Variants in IL20RB observed in about 807,000 individuals in gnomAD.
The protein encoded by IL20RB is interleukin-20 receptor subunit beta.
A neutral mutation model predicts 33.3 loss-of-function variants in IL20RB; 21 were observed. The ratio of observed to expected loss-of-function variants is 0.63; its 90% confidence interval spans 0.45 to 0.91. The LOEUF (loss-of-function observed/expected upper bound fraction) is 0.91, where lower values mean the gene tolerates loss of function less well. IL20RB is among the 40% of genes least tolerant of loss of function. The probability of loss-of-function intolerance (pLI) is 0.00; values close to 1 mark genes in which losing one functional copy is unlikely to be tolerated. For synonymous variants in IL20RB, 147 were observed against 146.8 expected (o/e 1.00, Z -0.01); for missense variants, 345 against 384.8 (o/e 0.90, Z 0.86).
intron 3 of IL20RB, among the ~76,000 whole-genome samples, chr3:136,983,096 T>C (rs1228224779): frequency 6.7e-6 from 1 of 149,368 alleles, no homozygotes; most frequent in Middle Eastern, 3.2e-3. Context: ...GTCTATCTCT[T>C]TTTTTTTTTG....
rs1941091775 is a variant in IL20RB at position 136,958,133 on chromosome 3, T to G, written c.20T>G (p.Val7Gly). The G allele has an allele frequency of 6.2e-7, 1 of 1,609,086 alleles. No individual in the cohort carries two copies. The highest frequency in any genetic ancestry group is 1.3e-5 in the African/African-American group (1 of 74,830). Reference sequence around the variant, plus strand: ...TACCAAATGCAGACTTTCACAATGGTTCTAGAAGAAATCTGGACAAGTCTT... The same window carrying G: ...TACCAAATGCAGACTTTCACAATGGGTCTAGAAGAAATCTGGACAAGTCTT... MQTFTM[V>G]LEEIWTSLFM... Residue 7 changes from valine (V) to glycine (G), a missense_variant, in exon 1 of 7, where the codon GTT becomes GGT. Physicochemically the swap from Val to Gly is moderately radical, Grantham distance 109 (BLOSUM62 -3). Transcript: ENST00000329582.
At chr3:137,000,066 C>T (rs192702778) in intron 6 of IL20RB, among the ~76,000 whole-genome samples, 2 of 152,274 alleles carry the variant, frequency 1.3e-5, no homozygotes, top group African/African-American at 4.8e-5. Context: ...TTTTGGATTA[C>T]AGTCTGGATA....
intron 1 of IL20RB, among the ~76,000 whole-genome samples, chr3:136,970,295 A>T (rs191642285): frequency 1.3e-5 from 2 of 152,082 alleles, no homozygotes; most frequent in East Asian, 3.9e-4. Flanking sequence ...GCGTTTTGCC[A>T]TATTGCCCAG....
intron 1 of IL20RB, among the ~76,000 whole-genome samples, chr3:136,976,604 C>T (rs988583908): frequency 3.9e-5 from 6 of 152,218 alleles, no homozygotes; most frequent in African/African-American, 1.4e-4. Flanking sequence ...ACTCACTTCC[C>T]AGCATTGTCA....
chr3:136,998,926 G>A (rs929450587), intron 6 of IL20RB, among the ~76,000 whole-genome samples: 1 of 152,090 alleles, frequency 6.6e-6, no homozygotes, highest in African/African-American at 2.4e-5. Context: ...TGTGAAATGT[G>A]TTCTTTTTCT....
intron 6 of IL20RB, among the ~76,000 whole-genome samples, chr3:137,002,368 TG>T (rs760308858): frequency 2.0e-5 from 3 of 152,234 alleles, no homozygotes; most frequent in Non-Finnish European, 4.4e-5. Context: ...CCACAATGGT[TG>T]AACTAATTTA....
At chr3:136,987,570 T>G (rs528576543) in intron 3 of IL20RB, among the ~76,000 whole-genome samples, 7 of 152,328 alleles carry the variant, frequency 4.6e-5, no homozygotes, top group Non-Finnish European at 8.8e-5. Flanking sequence ...TGCGTGCCAG[T>G]CCTGCGCCCT....
intron 4 of IL20RB, among the ~76,000 whole-genome samples, 160 bp downstream of exon 4, chr3:136,989,725 C>A (rs969895963): frequency 1.3e-5 from 2 of 152,182 alleles, no homozygotes; most frequent in African/African-American, 4.8e-5. Context: ...ACCCCATCAG[C>A]CTCTTCTCCA....
Position 136,983,274 on chromosome 3 carries a change from G to T in IL20RB, c.406+924G>T, listed in dbSNP as rs1028730377. On this transcript the variant is annotated intron_variant, in intron 3 of 6. Coordinates refer to ENST00000329582, the MANE Select transcript of IL20RB (RefSeq NM_144717.4). ...GGCTAATTTTTGTATTTTTAGTAGA[G>T]ACAGGGTTTCACTATGTTTTCCAGG... Among the ~76,000 whole-genome samples the T allele has an allele frequency of 2.6e-5, 4 of 152,126 alleles. 1 individual carries two copies. Among genetic ancestry groups the T allele is most frequent in the Admixed American group, 2.6e-4 (4 of 15,264 alleles).
At chr3:136,992,169 T>C in intron 5 of IL20RB, 81 bp downstream of exon 5, 3 of 1,471,460 alleles carry the variant, frequency 2.0e-6, no homozygotes, top group Non-Finnish European at 2.8e-6. Context: ...GCTGGGTTCC[T>C]TTGGTTCTGA....
chr3:136,989,609 A>G (rs1425273225), intron 4 of IL20RB, 44 bp downstream of exon 4: 1 of 1,608,882 alleles, frequency 6.2e-7, no homozygotes, highest in African/African-American at 1.3e-5. Flanking sequence ...TCGGGAAAGA[A>G]GGCACAGATT....
intron 6 of IL20RB, among the ~76,000 whole-genome samples, chr3:136,997,601 G>T: frequency 1.5e-5 from 2 of 137,510 alleles, no homozygotes; most frequent in Admixed American, 7.3e-5. Flanking sequence ...CTCACTGTTT[G>T]TATGGTATAT....
chr3:136,961,471 G>A (rs142613692), intron 1 of IL20RB, among the ~76,000 whole-genome samples: 204 of 151,692 alleles, frequency 1.3e-3, no homozygotes, highest in African/African-American at 4.7e-3. Flanking sequence ...CTGTCTGGAT[G>A]TTGGGACTTT....
intron 1 of IL20RB, among the ~76,000 whole-genome samples, 195 bp downstream of exon 1, chr3:136,958,396 CTCT>C (rs1229143606): frequency 1.3e-5 from 2 of 152,196 alleles, no homozygotes; most frequent in Non-Finnish European, 2.9e-5. Context: ...TTGGAAATCT[CTCT>C]TCTTAATGTC....
intron 2 of IL20RB, among the ~76,000 whole-genome samples, chr3:136,981,454 A>T (rs150434466): frequency 1.3e-5 from 2 of 152,148 alleles, no homozygotes. Context: ...TTTGGATAGT[A>T]ATCAGTGCTA....
chr3:136,985,076 T>C (rs1941868339), intron 3 of IL20RB, among the ~76,000 whole-genome samples: 2 of 152,138 alleles, frequency 1.3e-5, no homozygotes, highest in African/African-American at 2.4e-5. Context: ...TAAAACCTTG[T>C]ACTTACGAAG....
chr3:136,986,901 C>G (rs1577024095), intron 3 of IL20RB: 2 of 384,796 alleles, frequency 5.2e-6, no homozygotes, highest in East Asian at 1.4e-4. Flanking sequence ...AGGAGTGAAG[C>G]TGCAGATCTT....
intron 3 of IL20RB, among the ~76,000 whole-genome samples, chr3:136,984,486 T>C (rs1004625520): frequency 6.6e-6 from 1 of 152,084 alleles, no homozygotes; most frequent in African/African-American, 2.4e-5. Flanking sequence ...CTTTGGTCTC[T>C]GTTTTCGTGA....
chr3:136,972,312 G>A (rs1941506021), intron 1 of IL20RB, among the ~76,000 whole-genome samples: 1 of 152,104 alleles, frequency 6.6e-6, no homozygotes, highest in South Asian at 2.1e-4. Context: ...TTCCTTTGCT[G>A]TGCAGAAGCT....
Sources: allele counts gnomAD v4.1 joint callset (sites outside exome capture counted in the v4.1 genomes callset), GRCh38; gene constraint gnomAD v4.1.1; transcripts MANE v1.5; gene names NCBI Gene and HGNC (gene_info 2026-07-23, HGNC 2026-07-21).